Variants in PTPRS observed in about 807,000 individuals in gnomAD.
The protein encoded by PTPRS is receptor-type tyrosine-protein phosphatase S.
In PTPRS, 63 loss-of-function variants were observed where a neutral mutation model predicts 215.3. The observed-to-expected ratio is 0.29, with a 90% CI of 0.24 to 0.36. The LOEUF (loss-of-function observed/expected upper bound fraction) is 0.36. Among genes scored for constraint, PTPRS ranks in the 10% least tolerant of loss-of-function variants. The pLI is 1.00. For missense variants in PTPRS, 2,258 were observed against 2,825.8 expected, an observed-to-expected ratio of 0.80 and a Z score of 4.56; for synonymous variants, 1,404 against 1,191.4, an observed-to-expected ratio of 1.18 and a Z score of -3.68.
chr19:5,293,655 G>A lies in PTPRS; in HGVS notation c.-94-7421C>T, dbSNP rs1460054663. On this transcript the variant is annotated intron_variant, in intron 1 of 37. Transcript: ENST00000262963. The surrounding 1 kb of genome is among the most constrained non-coding windows in gnomAD (Gnocchi z 8.4). Reference sequence around the variant, plus strand: ...CACCCAACTACAGGAGGTCGGAGAAGGGGCAGAGTTCCCCTCCCAGTCTGG... The same window carrying A: ...CACCCAACTACAGGAGGTCGGAGAAAGGGCAGAGTTCCCCTCCCAGTCTGG... 6.6e-6 allele frequency among the ~76,000 whole-genome samples: 1 copy of A among 152,148 alleles called. No individual in the cohort carries two copies. Among genetic ancestry groups the A allele is most frequent in the African/African-American group, 2.4e-5 (1 of 41,450 alleles).
intron 1 of PTPRS, among the ~76,000 whole-genome samples, chr19:5,291,270 T>G (rs978479031): frequency 1.3e-5 from 2 of 151,988 alleles, no homozygotes; most frequent in Non-Finnish European, 2.9e-5. Flanking sequence ...TGAGCCCCAT[T>G]AAATGTTCTC....
At chr19:5,289,540 G>A (rs1034747694) in intron 1 of PTPRS, among the ~76,000 whole-genome samples, 1 of 152,122 alleles carries the variant, frequency 6.6e-6, no homozygotes, top group Non-Finnish European at 1.5e-5. Flanking sequence ...AGGCCCACCA[G>A]GTCCTGCACG....
chr19:5,209,742 T>C (rs1328376013), intron 35 of PTPRS, among the ~76,000 whole-genome samples: 1 of 152,202 alleles, frequency 6.6e-6, no homozygotes, highest in Non-Finnish European at 1.5e-5. Context: ...TTCTCCATCC[T>C]GTTATGCGAA....
At chr19:5,219,157 G>T in intron 23 of PTPRS, 153 bp downstream of exon 23, 2 of 1,032,626 alleles carry the variant, frequency 1.9e-6, no homozygotes, top group African/African-American at 1.6e-5. Context: ...CATGCTGTGT[G>T]ACCTTGATCA....
intron 1 of PTPRS, among the ~76,000 whole-genome samples, chr19:5,323,827 AG>A (rs1468381896): frequency 6.6e-6 from 1 of 152,210 alleles, no homozygotes; most frequent in Non-Finnish European, 1.5e-5. Flanking sequence ...CATTGTGGGA[AG>A]ACAGACTGTG....
In PTPRS at chr19:5,221,299, A is replaced by G. The variant is rs376405341; in HGVS notation, c.3202-46T>C. 18 of 1,573,762 alleles carry G rather than the reference A, an allele frequency of 1.1e-5. No individual in the cohort carries two copies. In the African/African-American group the frequency reaches 2.3e-4, roughly 20 times the overall value. Reference sequence around the variant, plus strand: ...AGCAGGGCCTGGTGGGCTCATGCCCATGGACTGAGCCCCAGCTCCAGGATG... The same window carrying G: ...AGCAGGGCCTGGTGGGCTCATGCCCGTGGACTGAGCCCCAGCTCCAGGATG... On this transcript the variant is annotated intron_variant, in intron 19 of 37. Transcript: ENST00000262963.
rs764176169 is a variant in PTPRS at position 5,220,294 on chromosome 19, G to A, written c.3515C>T (p.Pro1172Leu). 28 of 1,613,934 alleles carry A rather than the reference G, an allele frequency of 1.7e-5. No homozygotes were observed. Among genetic ancestry groups the A allele is most frequent in the Admixed American group, 3.3e-5 (2 of 59,986 alleles). The part of the protein sequence containing the change: ...RKSRGGQFLT[P>L]LGSPEDMDLE... ...ATCCATGTCCTCTGGGCTACCCAGC[G>A]GGGTCAGGAATTGGCCTCCACGAGA... Residue 1172 changes from proline (P) to leucine (L), a missense_variant, in exon 21 of 38, where the codon CCG becomes CTG. By Grantham distance (98) the Pro-to-Leu change is moderately conservative. Around this residue, in one of 6 missense-constraint regions of PTPRS, gnomAD observed 927 missense variants for 1,125.9 expected, o/e 0.82. Transcript: ENST00000262963.
chr19:5,248,872 A>T (rs892923823), intron 9 of PTPRS, among the ~76,000 whole-genome samples: 1 of 152,216 alleles, frequency 6.6e-6, no homozygotes, highest in African/African-American at 2.4e-5. Context: ...TCCTGCCGAG[A>T]AAGGCATTAA....
intron 4 of PTPRS, among the ~76,000 whole-genome samples, chr19:5,270,227 T>C (rs1027351933): frequency 7.9e-5 from 12 of 152,216 alleles, no homozygotes; most frequent in African/African-American, 2.9e-4. Flanking sequence ...GTGGGGTCTC[T>C]TGTTAGAAAA....
intron 1 of PTPRS, 103 bp from the exon 2 acceptor site, chr19:5,286,337 G>A (rs8103500): frequency 0.58 from 351,360 of 607,196 alleles, 103,068 homozygotes; most frequent in Middle Eastern, 0.71. Context: ...AGGGTCCTGC[G>A]GGGGCTGGTC....
intron 4 of PTPRS, among the ~76,000 whole-genome samples, chr19:5,269,495 G>A (rs1175023181): frequency 2.6e-5 from 4 of 152,068 alleles, no homozygotes; most frequent in South Asian, 2.1e-4. Flanking sequence ...GGGACTGGCC[G>A]GAGGTGCCCG....
At chr19:5,246,750 A>G (rs1013168663) in intron 9 of PTPRS, among the ~76,000 whole-genome samples, 1 of 152,136 alleles carries the variant, frequency 6.6e-6, no homozygotes, top group Non-Finnish European at 1.5e-5. Context: ...CGGGCCCTCC[A>G]GGAAAAGATG....
rs113960338 is a variant in PTPRS, at chr19:5,238,867, G to A, written c.1849+52C>T. On this transcript the variant is annotated intron_variant, in intron 13 of 37. Coordinates refer to ENST00000262963, the MANE Select transcript of PTPRS (RefSeq NM_002850.4). ...GTCCGTCTGCCGAGGGGCTGTCTGC[G>A]GTCAGGCCGTGGTCCCTCCCGCAGA... is the stretch of plus-strand genomic sequence containing the variant. The A allele has an allele frequency of 1.8e-3, 2,667 of 1,504,776 alleles. 20 individuals are homozygous for A. In the African/African-American group the frequency reaches 0.023, roughly 13 times the overall value. The allele number at this position is 1,504,776 out of a possible 1,614,324, so 93.2% of individuals were successfully genotyped here.
chr19:5,257,459 C>T lies in PTPRS; in HGVS notation c.706+558G>A, dbSNP rs749704839. On this transcript the variant is annotated intron_variant, in intron 8 of 37. Transcript: ENST00000262963. The surrounding 1 kb of genome is among the most constrained non-coding windows in gnomAD (Gnocchi z 4.4). ...AGAGTCATTAGGAAGAGGCAGAAGGCGCCGGGCTCCGGACCAGCTGGTGGG... is the reference window on the plus strand; with the variant it reads ...AGAGTCATTAGGAAGAGGCAGAAGGTGCCGGGCTCCGGACCAGCTGGTGGG... The T allele has an allele frequency of 1.3e-5, 6 of 457,710 alleles. No homozygotes were observed. The highest frequency in any genetic ancestry group is 8.0e-5 in the African/African-American group (4 of 50,100). 28.4% of individuals were successfully genotyped at this position (457,710 alleles called of 1,614,324 possible).
At chr19:5,275,940 TC>T (rs2047323383) in intron 2 of PTPRS, among the ~76,000 whole-genome samples, 1 of 152,102 alleles carries the variant, frequency 6.6e-6, no homozygotes, top group African/African-American at 2.4e-5. Context: ...GGTCTCAAAC[TC>T]CTAGCCTCGA....
intron 1 of PTPRS, among the ~76,000 whole-genome samples, chr19:5,323,953 C>T (rs928136459): frequency 1.2e-4 from 18 of 152,074 alleles, no homozygotes; most frequent in Non-Finnish European, 2.1e-4. Flanking sequence ...ATGAAGGCCA[C>T]GTGCAGTGGC....
chr19:5,238,802 C>A (rs2043713370), intron 13 of PTPRS, 117 bp downstream of exon 13: 2 of 1,344,682 alleles, frequency 1.5e-6, no homozygotes, highest in Non-Finnish European at 1.9e-6. Context: ...GGAGACAGGC[C>A]GGGAGGCGCC....
intron 25 of PTPRS, among the ~76,000 whole-genome samples, chr19:5,218,028 G>C (rs2145239805): frequency 6.6e-6 from 1 of 152,168 alleles, no homozygotes; most frequent in Admixed American, 6.5e-5. Flanking sequence ...GTGGAAAATG[G>C]CTGAGGGCAA....
intron 1 of PTPRS, among the ~76,000 whole-genome samples, chr19:5,332,286 C>A (rs537819921): frequency 6.6e-6 from 1 of 152,118 alleles, no homozygotes. Context: ...CACCACCATG[C>A]CCAGATTATT....
Sources: gnomAD v4.1 joint callset for allele counts (sites outside exome capture counted in the v4.1 genomes callset) on GRCh38, gnomAD v4.1.1 for gene constraint, gnomAD v4.1.1 regional missense constraint, Gnocchi (gnomAD v3.1) non-coding constraint, MANE v1.5 for transcripts, NCBI Gene and HGNC (gene_info 2026-07-23, HGNC 2026-07-21) for gene names.